GALNTL6: variants seen among roughly 807,000 people sequenced by gnomAD.
GALNTL6 encodes the protein polypeptide N-acetylgalactosaminyltransferase-like 6.
GALNTL6 carries 46 observed loss-of-function variants against 73.7 expected under a neutral mutation model. That is an observed-to-expected ratio of 0.62 (90% confidence interval 0.49 to 0.80). The LOEUF is 0.80. Ranked by LOEUF, GALNTL6 falls within the 30% of genes least tolerant of loss-of-function variation. GALNTL6 has a pLI of 0.00. For synonymous variants in GALNTL6, 259 were observed against 263.7 expected, an observed-to-expected ratio of 0.98 and a Z score of 0.17; for missense variants, 604 against 755.0, an observed-to-expected ratio of 0.80 and a Z score of 2.34.
intron 2 of GALNTL6, among the ~76,000 whole-genome samples, chr4:171,933,982 G>T (rs1480248968): frequency 6.6e-6 from 1 of 152,080 alleles, no homozygotes; most frequent in African/African-American, 2.4e-5. Context: ...AACACCACGG[G>T]ACTTTTTAAA....
At chr4:172,256,853 A>G (rs192475764) in intron 3 of GALNTL6, among the ~76,000 whole-genome samples, 1 of 151,512 alleles carries the variant, frequency 6.6e-6, no homozygotes. Context: ...CTCTCTGTGA[A>G]GGCAGTGACC....
At chr4:171,967,838 T>C (rs1739435119) in intron 2 of GALNTL6, among the ~76,000 whole-genome samples, 1 of 152,112 alleles carries the variant, frequency 6.6e-6, no homozygotes, top group African/African-American at 2.4e-5. Flanking sequence ...GCTTTCCCTA[T>C]TTTTTTCCCG....
intron 8 of GALNTL6, among the ~76,000 whole-genome samples, chr4:172,919,765 A>G (rs1747705253): frequency 6.6e-6 from 1 of 152,218 alleles, no homozygotes; most frequent in Non-Finnish European, 1.5e-5. Flanking sequence ...AGAATAATGA[A>G]TTAAGGGAAA....
chr4:172,072,601 C>G (rs533124684), intron 2 of GALNTL6, among the ~76,000 whole-genome samples: 1 of 152,286 alleles, frequency 6.6e-6, no homozygotes, highest in South Asian at 2.1e-4. Context: ...ACTGTCCACT[C>G]CCAAACCATA....
At chr4:171,849,121 C>T (rs541642008) in intron 2 of GALNTL6, among the ~76,000 whole-genome samples, 13 of 152,276 alleles carry the variant, frequency 8.5e-5, no homozygotes, top group African/African-American at 2.9e-4. Flanking sequence ...TGGCTTTCAG[C>T]ATGCCTTCTT....
intron 10 of GALNTL6, among the ~76,000 whole-genome samples, chr4:172,965,231 G>C (rs777206448): frequency 1.3e-5 from 2 of 152,176 alleles, no homozygotes; most frequent in Non-Finnish European, 2.9e-5. Flanking sequence ...AAATATTTCT[G>C]TGCTTTCTGA....
At chr4:172,817,946 G>A (rs1194700935) in intron 7 of GALNTL6, among the ~76,000 whole-genome samples, 2 of 152,210 alleles carry the variant, frequency 1.3e-5, no homozygotes, top group Admixed American at 1.3e-4. Context: ...TTTAATGACA[G>A]AGCTATTAGA....
chr4:172,703,499 C>A (rs1734149522), intron 5 of GALNTL6, among the ~76,000 whole-genome samples: 1 of 151,846 alleles, frequency 6.6e-6, no homozygotes, highest in Non-Finnish European at 1.5e-5. Context: ...TCATAGTGAT[C>A]AGTTTAGATA....
intron 10 of GALNTL6, among the ~76,000 whole-genome samples, chr4:173,004,472 C>G (rs895503923): frequency 1.3e-5 from 2 of 152,020 alleles, no homozygotes; most frequent in African/African-American, 4.8e-5. Context: ...ACTAAAAATA[C>G]AAAATTAGCT....
At chr4:171,989,022 G>C (rs1414688635) in intron 2 of GALNTL6, among the ~76,000 whole-genome samples, 3 of 152,036 alleles carry the variant, frequency 2.0e-5, no homozygotes, top group Non-Finnish European at 2.9e-5. Context: ...AACTGGGCAG[G>C]TGGGGATAAC....
chr4:172,722,024 A>G (rs1177972124), intron 5 of GALNTL6, among the ~76,000 whole-genome samples: 1 of 147,914 alleles, frequency 6.8e-6, no homozygotes, highest in African/African-American at 2.5e-5. Flanking sequence ...TCCCTAATTT[A>G]CTTTCAGTCC....
chr4:172,093,078 T>C (rs1732252004), intron 2 of GALNTL6, among the ~76,000 whole-genome samples: 2 of 152,124 alleles, frequency 1.3e-5, no homozygotes, highest in African/African-American at 4.8e-5. Flanking sequence ...TTCACCATGT[T>C]GGACAGGATG....
intron 5 of GALNTL6, among the ~76,000 whole-genome samples, chr4:172,627,782 A>C (rs1191012808): frequency 6.6e-6 from 1 of 151,888 alleles, no homozygotes; most frequent in Non-Finnish European, 1.5e-5. Context: ...TTTCTACTTC[A>C]TGTGCATACA....
intron 5 of GALNTL6, among the ~76,000 whole-genome samples, chr4:172,596,697 A>G (rs564907757): frequency 6.6e-6 from 1 of 152,292 alleles, no homozygotes; most frequent in Non-Finnish European, 1.5e-5. Context: ...AAACACTTCA[A>G]TTTTAAAATT....
rs139235036 is a variant in GALNTL6 at position 172,637,811 on chromosome 4, C to G, written c.554-171550C>G. 1.5e-3 allele frequency among the ~76,000 whole-genome samples: 234 copies of G among 152,228 alleles called. 2 individuals carry two copies. The highest frequency in any genetic ancestry group is 5.2e-3 in the African/African-American group (216 of 41,562). ...TAAATCCACTGAAAATAATCTACTT[C>G]TAACCTTGACTCTGTTTTCATTAAT... On this transcript the variant is annotated intron_variant, in intron 5 of 12. Coordinates refer to ENST00000506823, the MANE Select transcript of GALNTL6 (RefSeq NM_001034845.3).
intron 7 of GALNTL6, among the ~76,000 whole-genome samples, chr4:172,831,174 A>G (rs1046090962): frequency 2.8e-5 from 4 of 144,898 alleles, no homozygotes; most frequent in Admixed American, 6.8e-5. Context: ...AAAAAAAAAA[A>G]AAAAAAAAAA....
At chr4:172,322,277 T>A (rs1740786126) in intron 4 of GALNTL6, among the ~76,000 whole-genome samples, 2 of 152,082 alleles carry the variant, frequency 1.3e-5, no homozygotes, top group African/African-American at 4.8e-5. Flanking sequence ...TTTAATGAAC[T>A]TTCGCTTCTG....
intron 2 of GALNTL6, among the ~76,000 whole-genome samples, chr4:172,221,639 A>G (rs1736679724): frequency 1.3e-5 from 2 of 151,846 alleles, no homozygotes; most frequent in African/African-American, 2.4e-5. Context: ...AAAATTTGTC[A>G]TTTTTGTAGG....
intron 5 of GALNTL6, among the ~76,000 whole-genome samples, chr4:172,783,177 C>T (rs1739464930): frequency 6.6e-6 from 1 of 150,434 alleles, no homozygotes. Flanking sequence ...TCACATATAA[C>T]CTACACACCA....
Sources: gnomAD v4.1 joint callset for allele counts (sites outside exome capture counted in the v4.1 genomes callset) on GRCh38, gnomAD v4.1.1 for gene constraint, MANE v1.5 for transcripts, NCBI Gene and HGNC (gene_info 2026-07-23, HGNC 2026-07-21) for gene names.